CADM2: variants seen among roughly 807,000 people sequenced by gnomAD.
The protein encoded by CADM2 is immunoglobulin superfamily member 4D.
A neutral mutation model predicts 49.8 loss-of-function variants in CADM2; 12 were observed. That is an observed-to-expected ratio of 0.24 (90% CI 0.15 to 0.39). CADM2 has a LOEUF of 0.39. Among genes scored for constraint, CADM2 ranks in the 10% least tolerant of loss-of-function variants. The pLI is 1.00. For missense variants in CADM2, 378 were observed against 492.3 expected (o/e 0.77, Z 2.20); for synonymous variants, 214 against 175.4 (o/e 1.22, Z -1.74).
intron 5 of CADM2, among the ~76,000 whole-genome samples, chr3:85,895,688 G>A (rs747274673): frequency 7.9e-5 from 12 of 152,256 alleles, no homozygotes; most frequent in East Asian, 3.9e-4. Flanking sequence ...TAAATGAATC[G>A]TGGGGGAAGT....
At chr3:85,976,121 C>T (rs374097097) in intron 8 of CADM2, among the ~76,000 whole-genome samples, 1 of 151,488 alleles carries the variant, frequency 6.6e-6, no homozygotes, top group Non-Finnish European at 1.5e-5. Context: ...TATATAATTT[C>T]TCTGCGTATG....
At chr3:85,986,570 A>T (rs190930965) in intron 8 of CADM2, among the ~76,000 whole-genome samples, 39 of 152,078 alleles carry the variant, frequency 2.6e-4, no homozygotes, top group African/African-American at 9.2e-4. Context: ...TTAAGTAATT[A>T]TTCAATATCC....
intron 3 of CADM2, among the ~76,000 whole-genome samples, chr3:85,816,697 A>T (rs2073228609): frequency 6.6e-6 from 1 of 152,198 alleles, no homozygotes; most frequent in South Asian, 2.1e-4. Context: ...TTTACAAGTA[A>T]ACTTGGAAAT....
In CADM2 at chr3:85,732,986, G is replaced by A. The variant is rs527265347; in HGVS notation, c.88+6438G>A. Among the ~76,000 whole-genome samples, 70 of 152,278 alleles carry A rather than the reference G, an allele frequency of 4.6e-4. 1 individual carries two copies. Among genetic ancestry groups the A allele is most frequent in the African/African-American group, 1.6e-3 (67 of 41,564 alleles). On this transcript the variant is annotated intron_variant, in intron 2 of 9. Transcript: ENST00000383699. ...TTACATATATACCACCCACCCAGAT[G>A]GGAGTAGGGTTGGGAGTAGGGATAA... is the stretch of plus-strand genomic sequence containing the variant.
chr3:85,125,400 A>G (rs988611988), intron 1 of CADM2, among the ~76,000 whole-genome samples: 1 of 151,450 alleles, frequency 6.6e-6, no homozygotes, highest in South Asian at 2.1e-4. Flanking sequence ...ACAGGGTCTT[A>G]GTCTGTTGCC....
chr3:85,372,780 A>G (rs2033345086), intron 1 of CADM2, among the ~76,000 whole-genome samples: 1 of 152,160 alleles, frequency 6.6e-6, no homozygotes, highest in Admixed American at 6.5e-5. Context: ...AAGGTAAAGG[A>G]GGAGCAAAGG....
At chr3:85,366,769 AT>A (rs2032818383) in intron 1 of CADM2, among the ~76,000 whole-genome samples, 1 of 152,126 alleles carries the variant, frequency 6.6e-6, no homozygotes, top group Admixed American at 6.5e-5. Context: ...ATGACATATA[AT>A]TTTTAATTAA....
chr3:85,975,092 T>C (rs893521437), intron 8 of CADM2, among the ~76,000 whole-genome samples: 1 of 151,526 alleles, frequency 6.6e-6, no homozygotes, highest in Middle Eastern at 3.4e-3. Context: ...TGTGTACATA[T>C]ATAAAATATA....
chr3:85,945,135 G>T (rs1053032978), intron 7 of CADM2, among the ~76,000 whole-genome samples: 1 of 152,074 alleles, frequency 6.6e-6, no homozygotes, highest in Non-Finnish European at 1.5e-5. Context: ...TACCATCAGA[G>T]AATTCTATAA....
At chr3:85,847,673 G>A in intron 3 of CADM2, among the ~76,000 whole-genome samples, 1 of 152,054 alleles carries the variant, frequency 6.6e-6, no homozygotes, top group East Asian at 1.9e-4. Context: ...CAGAAAGAGT[G>A]GAAGAATTGG....
intron 1 of CADM2, among the ~76,000 whole-genome samples, chr3:85,315,708 T>C (rs2044449231): frequency 6.6e-6 from 1 of 152,196 alleles, no homozygotes; most frequent in African/African-American, 2.4e-5. Context: ...TTCAGTTCTG[T>C]GTAAAAACTT....
At chr3:85,098,870 T>C (rs941543815) in intron 1 of CADM2, among the ~76,000 whole-genome samples, 3 of 152,200 alleles carry the variant, frequency 2.0e-5, no homozygotes, top group Non-Finnish European at 4.4e-5. Context: ...GAGTTGTTCA[T>C]GGATCAACTG....
At chr3:85,060,828 A>T (rs2036277906) in intron 1 of CADM2, among the ~76,000 whole-genome samples, 1 of 152,158 alleles carries the variant, frequency 6.6e-6, no homozygotes, top group South Asian at 2.1e-4. Context: ...TCAAACTTAG[A>T]ATTAACAAGA....
chr3:85,970,490 G>T, intron 8 of CADM2, among the ~76,000 whole-genome samples: 1 of 151,412 alleles, frequency 6.6e-6, no homozygotes, highest in East Asian at 2.0e-4. Context: ...ATATGCATGT[G>T]CAAAAATTAC....
intron 1 of CADM2, among the ~76,000 whole-genome samples, chr3:85,020,893 A>G (rs2034473769): frequency 2.6e-5 from 4 of 152,174 alleles, no homozygotes; most frequent in Middle Eastern, 3.4e-3. Context: ...ACAACTACAT[A>G]TTTTGAGTAC....
chr3:85,320,460 T>C (rs2044570492), intron 1 of CADM2, among the ~76,000 whole-genome samples: 1 of 152,126 alleles, frequency 6.6e-6, no homozygotes, highest in Admixed American at 6.5e-5. Context: ...AGTATGAAAG[T>C]TTTCTCTCTG....
intron 1 of CADM2, among the ~76,000 whole-genome samples, chr3:85,406,819 A>G (rs971661754): frequency 7.9e-5 from 12 of 152,014 alleles, no homozygotes; most frequent in African/African-American, 2.9e-4. Context: ...ACTGCTGCTT[A>G]CCTGTCATAC....
chr3:85,698,913 A>G (rs1181155995), intron 1 of CADM2, among the ~76,000 whole-genome samples: 1 of 152,164 alleles, frequency 6.6e-6, no homozygotes, highest in Non-Finnish European at 1.5e-5. Context: ...CCACAGTCCA[A>G]TGTCCTGTCT....
chr3:85,783,653 T>A (rs772033133), intron 2 of CADM2, among the ~76,000 whole-genome samples: 18 of 152,208 alleles, frequency 1.2e-4, no homozygotes, highest in Non-Finnish European at 2.4e-4. Flanking sequence ...CCTCATTACA[T>A]AAGCATTATA....
Sources: allele counts gnomAD v4.1 joint callset (sites outside exome capture counted in the v4.1 genomes callset), GRCh38; gene constraint gnomAD v4.1.1; transcripts MANE v1.5; gene names NCBI Gene and HGNC (gene_info 2026-07-23, HGNC 2026-07-21).